The following MPPE1 variants were observed in gnomAD, a reference collection of about 807,000 sequenced individuals.
MPPE1 encodes metallo phosphoesterase.
MPPE1 carries 28 observed loss-of-function variants against 43.8 expected under a neutral mutation model. That is an observed-to-expected ratio of 0.64 (90% confidence interval 0.47 to 0.88). MPPE1 has a LOEUF of 0.88. Among genes scored for constraint, MPPE1 ranks in the 40% least tolerant of loss-of-function variants. The pLI is 0.00. For missense variants in MPPE1, 428 were observed against 492.2 expected (o/e 0.87, Z 1.23); for synonymous variants, 159 against 188.5 (o/e 0.84, Z 1.28).
At chr18:11,895,603 G>A (rs77421454) in intron 3 of MPPE1, among the ~76,000 whole-genome samples, 7,660 of 151,596 alleles carry the variant, frequency 0.051, 361 homozygotes, top group African/African-American at 0.13. Flanking sequence ...CAGTGCCATG[G>A]TCATAGCTCA....
intron 5 of MPPE1, 84 bp downstream of exon 5, chr18:11,889,303 T>C (rs1409817872): frequency 2.3e-6 from 2 of 858,474 alleles, no homozygotes; most frequent in African/African-American, 1.7e-5. Context: ...ACAGCACAAA[T>C]AGGGCTTTCA....
chr18:11,884,334 G>A lies in MPPE1; in HGVS notation c.*111C>T. Reference sequence around the variant, plus strand: ...CATTTCAGTGATTGAGAATTTCTGTGCTGTGCAGAGAGACGGCCTGTAATT... The same window carrying A: ...CATTTCAGTGATTGAGAATTTCTGTACTGTGCAGAGAGACGGCCTGTAATT... On this transcript the variant is annotated 3_prime_UTR_variant, in exon 11 of 11. Coordinates refer to ENST00000588072, the MANE Select transcript of MPPE1 (RefSeq NM_023075.6). The A allele has an allele frequency of 3.1e-6, 3 of 979,566 alleles. No individual in the cohort carries two copies. Among genetic ancestry groups the A allele is most frequent in the Non-Finnish European group, 4.7e-6 (3 of 645,104 alleles). 60.7% of individuals were successfully genotyped at this position (979,566 alleles called of 1,614,324 possible). A position where few individuals can be genotyped will look rare whatever the true frequency, so the allele number is the denominator to read the frequency against.
intron 6 of MPPE1, among the ~76,000 whole-genome samples, chr18:11,887,351 T>G (rs988330338): frequency 6.1e-5 from 8 of 130,908 alleles, no homozygotes; most frequent in African/African-American, 2.3e-4. Context: ...GCCTCTTCCA[T>G]GCAGGGCTAA....
intron 4 of MPPE1, among the ~76,000 whole-genome samples, chr18:11,891,943 T>TA (rs75843970): frequency 0.05 from 7,656 of 152,232 alleles, 357 homozygotes; most frequent in African/African-American, 0.13. Flanking sequence ...GCCTCCTGAG[T>TA]AGCGGCGTGC....
chr18:11,892,127 C>T (rs1453899999), intron 4 of MPPE1, among the ~76,000 whole-genome samples: 1 of 150,588 alleles, frequency 6.6e-6, no homozygotes, highest in African/African-American at 2.4e-5. Flanking sequence ...ATTGCCTGAG[C>T]TCAGGAGTTC....
chr18:11,886,867 C>T lies in MPPE1; in HGVS notation c.678+50G>A, dbSNP rs780265907. ...TAGGGGGCTGAGTGAGCAACCGAAG[C>T]GGAGCAACACGGGACAGAAGGCACC... On this transcript the variant is annotated intron_variant, in intron 7 of 10. Transcript: ENST00000588072. The surrounding 1 kb of genome is among the most constrained non-coding windows in gnomAD (Gnocchi z 4.1). 5.0e-6 allele frequency: 8 copies of T among 1,593,534 alleles called. No individual in the cohort carries two copies. The highest frequency in any genetic ancestry group is 1.7e-4 in the Middle Eastern group (1 of 6,012).
chr18:11,907,013 A>G (rs1176577368), intron 1 of MPPE1, among the ~76,000 whole-genome samples: 2 of 152,300 alleles, frequency 1.3e-5, no homozygotes, highest in East Asian at 3.9e-4. Flanking sequence ...AGGGCATTCC[A>G]GAGTTAACCT....
chr18:11,886,421 G>A lies in MPPE1; in HGVS notation c.867+78C>T. ...TTTCAGCAAACACCTGCTCTAGCCT[G>A]GGCACTCTGCTTGTTGACATGCAAG... On this transcript the variant is annotated intron_variant, in intron 9 of 10. Transcript: ENST00000588072. The surrounding 1 kb of genome is among the most constrained non-coding windows in gnomAD (Gnocchi z 4.1). The A allele has an allele frequency of 1.3e-6, 2 of 1,599,540 alleles. No homozygotes were observed. The highest frequency in any genetic ancestry group is 1.7e-6 in the Non-Finnish European group (2 of 1,168,776).
At position 11,885,786 on chromosome 18, in the gene MPPE1, G is replaced by A; in HGVS notation, c.898C>T (p.Leu300Phe). The A allele has an allele frequency of 2.5e-6, 4 of 1,612,256 alleles. No homozygotes were observed. Among genetic ancestry groups the A allele is most frequent in the Non-Finnish European group, 3.4e-6 (4 of 1,178,718 alleles). Residue 300 changes from leucine to phenylalanine, a missense_variant, in exon 10 of 11, where the codon CTC becomes TTC. This residue lies in a region of MPPE1 where 379 missense variants were observed against 402.5 expected (regional missense o/e 0.94). Coordinates refer to ENST00000588072, the MANE Select transcript of MPPE1 (RefSeq NM_023075.6). ...CAGGCGCTGTGCGTGTGGCCACTGA[G>A]AACCAGGCGCGGCTGGAGCCACCAC... ...LLWWLQPRLV[L>F]SGHTHSACEV...
At position 11,883,891 on chromosome 18, in the gene MPPE1, A is replaced by G. The variant is rs2036807439; in HGVS notation, c.*554T>C. The G allele has an allele frequency of 6.6e-6, 1 of 152,278 alleles. No individual in the cohort carries two copies. Among genetic ancestry groups the G allele is most frequent in the Non-Finnish European group, 1.5e-5 (1 of 68,152 alleles). 9.4% of individuals were successfully genotyped at this position (152,278 alleles called of 1,614,324 possible). On this transcript the variant is annotated 3_prime_UTR_variant, in exon 11 of 11. Transcript: ENST00000588072. ...TTTCTAGCGGAGACGAGGTTTCACC[A>G]TGTTGGCCAGGCTGGTCTTGAACTC... is the stretch of plus-strand genomic sequence containing the variant.
Position 11,886,037 on chromosome 18 carries a change from T to C in MPPE1, c.868-221A>G, listed in dbSNP as rs1598478295. On this transcript the variant is annotated intron_variant, in intron 9 of 10. Transcript: ENST00000588072. This position sits in a 1 kb window ranked among gnomAD's most constrained non-coding sequence, Gnocchi z 4.1. ...CTTTGTTCTCATCCCAGATTTTATA[T>C]ACTTTTTACGGTATTTTATCTTTAT... The C allele has an allele frequency of 2.8e-6, 1 of 351,320 alleles. No homozygotes were observed. Among genetic ancestry groups the C allele is most frequent in the East Asian group, 4.4e-5 (1 of 22,658 alleles). The allele number at this position is 351,320 out of a possible 1,614,324, so 21.8% of individuals were successfully genotyped here. A position where few individuals can be genotyped will look rare whatever the true frequency, so the allele number is the denominator to read the frequency against.
chr18:11,893,333 C>T (rs899095309), intron 4 of MPPE1, 135 bp downstream of exon 4: 6 of 604,070 alleles, frequency 9.9e-6, no homozygotes, highest in Admixed American at 3.0e-5. Context: ...AAATAGCCTA[C>T]GCATTTTTAA....
chr18:11,905,502 G>C (rs1055498011), intron 2 of MPPE1: 1 of 152,130 alleles, frequency 6.6e-6, no homozygotes, highest in African/African-American at 2.4e-5. Context: ...TAGGGTGGGG[G>C]AAGAGATTCC....
Position 11,884,235 on chromosome 18 carries a change from A to G in MPPE1, c.*210T>C, listed in dbSNP as rs2036844832. The G allele has an allele frequency of 3.7e-6, 2 of 545,116 alleles. No homozygotes were observed. Among genetic ancestry groups the G allele is most frequent in the Admixed American group, 6.3e-5 (2 of 31,892 alleles). The allele number at this position is 545,116 out of a possible 1,614,324, so 33.8% of individuals were successfully genotyped here. A position where few individuals can be genotyped will look rare whatever the true frequency, so the allele number is the denominator to read the frequency against. ...ATATATTTGATAAAAATGAGAAAACAGATTTGTTGTAGAGTACCTGTCCAC... is the reference window on the plus strand; with the variant it reads ...ATATATTTGATAAAAATGAGAAAACGGATTTGTTGTAGAGTACCTGTCCAC... On this transcript the variant is annotated 3_prime_UTR_variant, in exon 11 of 11. Coordinates refer to ENST00000588072, the MANE Select transcript of MPPE1 (RefSeq NM_023075.6).
At position 11,891,071 on chromosome 18, in the gene MPPE1, A is replaced by G. The variant is rs1385393106; in HGVS notation, c.391-1581T>C. ...AAAACAAAAAAAACCTCTATTCTAGATAGTAACCAACTTTATCCTAAATGT... is the reference window on the plus strand; with the variant it reads ...AAAACAAAAAAAACCTCTATTCTAGGTAGTAACCAACTTTATCCTAAATGT... On this transcript the variant is annotated intron_variant, in intron 4 of 10. Coordinates refer to ENST00000588072, the MANE Select transcript of MPPE1 (RefSeq NM_023075.6). The G allele has an allele frequency of 2.0e-5, 3 of 152,226 alleles. 1 individual carries two copies. The highest frequency in any genetic ancestry group is 4.4e-5 in the Non-Finnish European group (3 of 68,032). 9.4% of individuals were successfully genotyped at this position (152,226 alleles called of 1,614,324 possible). A position where few individuals can be genotyped will look rare whatever the true frequency, so the allele number is the denominator to read the frequency against.
intron 4 of MPPE1, among the ~76,000 whole-genome samples, chr18:11,890,174 C>T (rs1386620561): frequency 5.9e-5 from 9 of 152,022 alleles, no homozygotes; most frequent in Admixed American, 5.2e-4. Context: ...GATCTCCTGA[C>T]CTCATGATCC....
In MPPE1 at chr18:11,897,091, G is replaced by A. The variant is rs1043231767; in HGVS notation, c.174C>T (p.Ala58=). The A allele has an allele frequency of 2.0e-5, 31 of 1,523,060 alleles. No individual in the cohort carries two copies. The highest frequency in any genetic ancestry group is 2.8e-5 in the Non-Finnish European group (31 of 1,109,508). The allele number at this position is 1,523,060 out of a possible 1,614,324, so 94.3% of individuals were successfully genotyped here. Residue 58 remains alanine (A), a synonymous_variant, in exon 3 of 11, where the codon GCC becomes GCT. Transcript: ENST00000588072. ...QCNWPEVKTT[A]SDGEQTTREP... ...CACGTGTGGTCTGTTCACCATCAGAGGCTGTGGTTTTCACTTCAGGCCAAT... is the reference window on the plus strand; with the variant it reads ...CACGTGTGGTCTGTTCACCATCAGAAGCTGTGGTTTTCACTTCAGGCCAAT...
intron 3 of MPPE1, 63 bp downstream of exon 3, chr18:11,896,921 G>A: frequency 2.1e-6 from 3 of 1,436,128 alleles, no homozygotes; most frequent in Non-Finnish European, 2.9e-6. Flanking sequence ...CCTTGCCTAT[G>A]AGGAGAGGGC....
intron 2 of MPPE1, among the ~76,000 whole-genome samples, chr18:11,900,308 T>C (rs2039009495): frequency 6.6e-6 from 1 of 152,034 alleles, no homozygotes; most frequent in Admixed American, 6.6e-5. Flanking sequence ...GATCACGCCA[T>C]TGCACTGCAG....
Sources: allele counts gnomAD v4.1 joint callset (sites outside exome capture counted in the v4.1 genomes callset), GRCh38; gene constraint gnomAD v4.1.1; regional missense constraint gnomAD v4.1.1; non-coding constraint Gnocchi (gnomAD v3.1); transcripts MANE v1.5; gene names NCBI Gene and HGNC (gene_info 2026-07-23, HGNC 2026-07-21).